Variants in CALD1 observed in about 807,000 individuals in gnomAD.
The protein encoded by CALD1 is caldesmon 1, also known as caldesmon.
A neutral mutation model predicts 99.9 loss-of-function variants in CALD1; 33 were observed. The observed-to-expected ratio is 0.33, with a 90% CI of 0.25 to 0.44. CALD1 has a LOEUF of 0.44. Ranked by LOEUF, CALD1 falls within the 20% of genes least tolerant of loss-of-function variation. The pLI is 1.00. For missense variants in CALD1, 861 were observed against 962.1 expected, an observed-to-expected ratio of 0.89 and a Z score of 1.39; for synonymous variants, 310 against 325.0, an observed-to-expected ratio of 0.95 and a Z score of 0.50.
intron 6 of CALD1, among the ~76,000 whole-genome samples, chr7:134,938,996 G>A (rs1266701106): frequency 6.6e-6 from 1 of 152,188 alleles, no homozygotes; most frequent in Non-Finnish European, 1.5e-5. Flanking sequence ...CACAGACCGT[G>A]AGCTCCTACT....
rs367598505 is a variant in CALD1, at chr7:134,954,021, G to A, written c.1935+3507G>A. Among the ~76,000 whole-genome samples, 15 of 152,260 alleles carry A rather than the reference G, an allele frequency of 9.9e-5. No individual in the cohort carries two copies. The East Asian group carries it at 1.7e-3, about 18-fold the overall frequency. On this transcript the variant is annotated intron_variant, in intron 9 of 14. Transcript: ENST00000361675. ...CAATTTCATATTCTACAATGTAATTGGGATAGCTATTGATACCCTTGGCCC... is the reference window on the plus strand; with the variant it reads ...CAATTTCATATTCTACAATGTAATTAGGATAGCTATTGATACCCTTGGCCC...
the CALD1 span, among the ~76,000 whole-genome samples, chr7:134,724,734 A>T: frequency 2.0e-5 from 3 of 152,352 alleles, no homozygotes; most frequent in Admixed American, 1.3e-4. Context: ...CTTGTGAAAC[A>T]GGTACAGAGG....
At chr7:134,950,081 TA>T (rs1440374286) in intron 8 of CALD1, among the ~76,000 whole-genome samples, 9 of 152,200 alleles carry the variant, frequency 5.9e-5, no homozygotes, top group Non-Finnish European at 1.5e-5. Context: ...ACGAAAGCCC[TA>T]AAAAATGAGT....
chr7:134,862,663 T>C (rs77123216), intron 2 of CALD1, among the ~76,000 whole-genome samples: 1 of 152,172 alleles, frequency 6.6e-6, no homozygotes, highest in South Asian at 2.1e-4. Flanking sequence ...TGACATTCGG[T>C]ATTTGGTGAA....
chr7:134,826,206 G>C (rs1318278253), intron 1 of CALD1, among the ~76,000 whole-genome samples: 1 of 152,080 alleles, frequency 6.6e-6, no homozygotes, highest in Non-Finnish European at 1.5e-5. Flanking sequence ...GTACAAAACT[G>C]ATATCCAAGG....
At chr7:134,962,731 T>C in intron 13 of CALD1, 3 of 433,922 alleles carry the variant, frequency 6.9e-6, no homozygotes, top group South Asian at 1.6e-5. Context: ...GTCTATTCTT[T>C]GTGTCTAAAC....
At chr7:134,960,485 T>A (rs1808179142) in intron 12 of CALD1, 48 bp from the exon 13 acceptor site, 3 of 1,111,696 alleles carry the variant, frequency 2.7e-6, no homozygotes. Flanking sequence ...CCTTCCCAGG[T>A]AAAGTTTACT....
At chr7:134,868,260 AG>A (rs1800896150) in intron 3 of CALD1, 1 of 157,550 alleles carries the variant, frequency 6.3e-6, no homozygotes, top group South Asian at 1.9e-4. Flanking sequence ...TTATTAGAAA[AG>A]TATCCAACTC....
chr7:134,755,982 A>G (rs1796723988), intron 1 of CALD1, among the ~76,000 whole-genome samples: 1 of 152,186 alleles, frequency 6.6e-6, no homozygotes, highest in South Asian at 2.1e-4. Context: ...AACCAATAAT[A>G]CCAACAAATT....
upstream of CALD1, among the ~76,000 whole-genome samples, chr7:134,779,149 C>T (rs149208256): frequency 3.4e-3 from 511 of 152,236 alleles, 2 homozygotes; most frequent in African/African-American, 0.012. Context: ...ATTAAGACTC[C>T]CTCTGGTAAG....
chr7:134,965,328 C>T lies in CALD1; in HGVS notation c.2318C>T (p.Ser773Phe). The change falls in exon 14 of 15, where the codon TCC becomes TTC. Residue 773 changes from serine to phenylalanine, a missense_variant. Physicochemically the swap from Ser to Phe is radical, Grantham distance 155 (BLOSUM62 -2). Transcript: ENST00000361675. ...CAGGACTTGAGACCAGGAGACGTAT[C>T]CAGCAAGCGGAACCTCTGGGAAAAG... ...KPSDLRPGDV[S>F]SKRNLWEKQS... The T allele has an allele frequency of 6.3e-7, 1 of 1,589,282 alleles. No homozygotes were observed. Among genetic ancestry groups the T allele is most frequent in the Non-Finnish European group, 8.6e-7 (1 of 1,157,440 alleles).
At chr7:134,813,264 G>C (rs1011931626) in intron 1 of CALD1, among the ~76,000 whole-genome samples, 3 of 152,188 alleles carry the variant, frequency 2.0e-5, no homozygotes, top group Non-Finnish European at 4.4e-5. Context: ...TTTTTTGAAA[G>C]AGGGGCAGAG....
the CALD1 span, among the ~76,000 whole-genome samples, chr7:134,730,415 A>G: frequency 6.6e-6 from 1 of 152,162 alleles, no homozygotes; most frequent in African/African-American, 2.4e-5. Context: ...CAAATCCATC[A>G]TGTAAGGACC....
chr7:134,814,396 C>T (rs1397010450), intron 1 of CALD1, among the ~76,000 whole-genome samples: 1 of 152,120 alleles, frequency 6.6e-6, no homozygotes, highest in Non-Finnish European at 1.5e-5. Context: ...GTAGGGGTTC[C>T]ACAAGGAGCT....
At chr7:134,830,654 C>T (rs1799184118) in intron 1 of CALD1, among the ~76,000 whole-genome samples, 2 of 152,124 alleles carry the variant, frequency 1.3e-5, no homozygotes. Context: ...TAAGTGAGAA[C>T]AAGCAGTATT....
the CALD1 span, among the ~76,000 whole-genome samples, chr7:134,731,983 A>G: frequency 6.6e-6 from 1 of 152,212 alleles, no homozygotes; most frequent in South Asian, 2.1e-4. Flanking sequence ...AAAGATTGAT[A>G]AAATCTTTCA....
intron 1 of CALD1, among the ~76,000 whole-genome samples, chr7:134,763,575 C>T (rs1303449179): frequency 1.3e-5 from 2 of 152,264 alleles, no homozygotes; most frequent in East Asian, 3.9e-4. Context: ...GGGCTGTCCA[C>T]TGGAGAGAAG....
rs1034638461 is a variant in CALD1 at position 134,749,568 on chromosome 7, G to A, written c.-130+5205G>A. 1.4e-4 allele frequency among the ~76,000 whole-genome samples: 21 copies of A among 152,236 alleles called. No homozygotes were observed. The East Asian group carries it at 2.1e-3, about 15-fold the overall frequency. Reference sequence around the variant, plus strand: ...CAGGAAGTTGCAGTGAGCTAAGATCGCGCCATTACACTCCAGCCTGAGCAA... The same window carrying A: ...CAGGAAGTTGCAGTGAGCTAAGATCACGCCATTACACTCCAGCCTGAGCAA... On this transcript the variant is annotated intron_variant, in intron 1 of 13. Transcript: ENST00000417172.
At chr7:134,867,402 T>G (rs2132318599) in intron 2 of CALD1, among the ~76,000 whole-genome samples, 1 of 152,306 alleles carries the variant, frequency 6.6e-6, no homozygotes, top group Middle Eastern at 3.4e-3. Flanking sequence ...TCATTAGAAT[T>G]TCAAGTGATT....
Sources: allele counts gnomAD v4.1 joint callset (sites outside exome capture counted in the v4.1 genomes callset), GRCh38; gene constraint gnomAD v4.1.1; transcripts MANE v1.5; gene names NCBI Gene and HGNC (gene_info 2026-07-23, HGNC 2026-07-21).